AIG1: variants seen among roughly 807,000 people sequenced by gnomAD.
AIG1 encodes androgen induced 1, also known as androgen-induced gene 1 protein.
In AIG1, 23 loss-of-function variants were observed where a neutral mutation model predicts 31.4. The observed-to-expected ratio is 0.73, with a 90% confidence interval of 0.53 to 1.04. AIG1 has a LOEUF of 1.04. Among genes scored for constraint, AIG1 ranks in the 50% least tolerant of loss-of-function variants. AIG1 has a pLI of 0.00. For synonymous variants in AIG1, 100 were observed against 110.5 expected, an observed-to-expected ratio of 0.90 and a Z score of 0.60; for missense variants, 274 against 295.0, an observed-to-expected ratio of 0.93 and a Z score of 0.52.
chr6:143,140,933 C>T (rs901004482), intron 2 of AIG1, among the ~76,000 whole-genome samples: 5 of 152,206 alleles, frequency 3.3e-5, no homozygotes, highest in Non-Finnish European at 7.3e-5. Flanking sequence ...CCCCAGAGGC[C>T]TCCCCTGCTC....
chr6:143,118,489 T>C lies in AIG1; in HGVS notation c.142-18346T>C, dbSNP rs150232230. Reference sequence around the variant, plus strand: ...AAAAAAAAAATCACTAAAATGGATGTGTACATTATGTACAGCATGCTTTCA... The same window carrying C: ...AAAAAAAAAATCACTAAAATGGATGCGTACATTATGTACAGCATGCTTTCA... On this transcript the variant is annotated intron_variant, in intron 1 of 5. Coordinates refer to ENST00000357847, the MANE Select transcript of AIG1 (RefSeq NM_016108.4). 5.1e-3 allele frequency among the ~76,000 whole-genome samples: 770 copies of C among 152,064 alleles called. 7 individuals are homozygous for C. Among genetic ancestry groups the C allele is most frequent in the African/African-American group, 0.018 (726 of 41,476 alleles).
At chr6:143,088,551 A>G (rs147292222) in intron 1 of AIG1, among the ~76,000 whole-genome samples, 1 of 152,312 alleles carries the variant, frequency 6.6e-6, no homozygotes, top group Admixed American at 6.5e-5. Flanking sequence ...GTAACTGGGG[A>G]CTGGAGAGTA....
intron 4 of AIG1, among the ~76,000 whole-genome samples, chr6:143,319,813 G>C (rs1054462789): frequency 6.6e-6 from 1 of 151,798 alleles, no homozygotes; most frequent in Admixed American, 6.6e-5. Context: ...GATTTTAAGG[G>C]ATTATTATGA....
chr6:143,155,732 TC>T (rs1288267845), intron 2 of AIG1, among the ~76,000 whole-genome samples: 3 of 152,132 alleles, frequency 2.0e-5, no homozygotes, highest in Non-Finnish European at 4.4e-5. Flanking sequence ...AATGGATACT[TC>T]AAGTGTGTGA....
At chr6:143,150,382 A>G (rs1459002295) in intron 2 of AIG1, among the ~76,000 whole-genome samples, 1 of 152,208 alleles carries the variant, frequency 6.6e-6, no homozygotes, top group Non-Finnish European at 1.5e-5. Flanking sequence ...ACCTTCTGGC[A>G]AGTTCTGTTA....
intron 3 of AIG1, among the ~76,000 whole-genome samples, chr6:143,201,365 A>G (rs1790684182): frequency 6.6e-6 from 1 of 152,292 alleles, no homozygotes; most frequent in South Asian, 2.1e-4. Context: ...TCAAAAAAAA[A>G]AAAATCTTAA....
In AIG1 at chr6:143,152,988, C is replaced by T. The variant is rs142608043; in HGVS notation, c.298-12094C>T. 2.0e-3 allele frequency among the ~76,000 whole-genome samples: 301 copies of T among 152,222 alleles called. 1 individual carries two copies. The highest frequency in any genetic ancestry group is 7.0e-3 in the African/African-American group (291 of 41,518). On this transcript the variant is annotated intron_variant, in intron 2 of 5. Transcript: ENST00000357847. ...CTGTGAGAAGAGACAGAACTGCAGG[C>T]GTATGGCAAGATTGGTGTGGTTTCA...
intron 1 of AIG1, among the ~76,000 whole-genome samples, chr6:143,064,864 G>A (rs1776555137): frequency 6.6e-6 from 1 of 152,224 alleles, no homozygotes; most frequent in South Asian, 2.1e-4. Flanking sequence ...GAGCAATAAA[G>A]CTTTTAATTC....
rs112269226 is a variant in AIG1, at chr6:143,131,487, T to C, written c.142-5348T>C. ...ATGAGTCTTAAAGGCAGAGAGCTTT[T>C]TCAAGCCAATGAGAGATGAGGAAAG... On this transcript the variant is annotated intron_variant, in intron 1 of 5. Transcript: ENST00000357847. Among the ~76,000 whole-genome samples, 466 of 152,330 alleles carry C rather than the reference T, an allele frequency of 3.1e-3. 5 individuals carry two copies. The highest frequency in any genetic ancestry group is 0.011 in the African/African-American group (447 of 41,580).
chr6:143,171,094 G>C (rs1429643133), intron 3 of AIG1, among the ~76,000 whole-genome samples: 1 of 151,814 alleles, frequency 6.6e-6, no homozygotes, highest in African/African-American at 2.4e-5. Flanking sequence ...TGAACATCCA[G>C]ATACAGAAAG....
chr6:143,302,893 C>A (rs1398318424), intron 4 of AIG1, among the ~76,000 whole-genome samples: 4 of 152,070 alleles, frequency 2.6e-5, no homozygotes, highest in African/African-American at 9.7e-5. Context: ...CCTGTTGTTT[C>A]CTGACTTTTT....
chr6:143,061,416 G>C (rs1478185359), intron 1 of AIG1: 1 of 409,716 alleles, frequency 2.4e-6, no homozygotes, highest in African/African-American at 2.0e-5. Flanking sequence ...CATCGGACCT[G>C]ATCCTGAATG....
chr6:143,196,187 G>T (rs1165963504), intron 3 of AIG1, among the ~76,000 whole-genome samples: 1 of 152,106 alleles, frequency 6.6e-6, no homozygotes, highest in South Asian at 2.1e-4. Flanking sequence ...TGATCTGAAT[G>T]GTAATCTGTA....
At chr6:143,089,504 T>C (rs1211297357) in intron 1 of AIG1, among the ~76,000 whole-genome samples, 1 of 152,184 alleles carries the variant, frequency 6.6e-6, no homozygotes, top group Non-Finnish European at 1.5e-5. Flanking sequence ...TATAGGATTG[T>C]TGTGAGGATT....
intron 3 of AIG1, among the ~76,000 whole-genome samples, chr6:143,166,907 G>A (rs1787013583): frequency 6.6e-6 from 1 of 152,164 alleles, no homozygotes; most frequent in Non-Finnish European, 1.5e-5. Flanking sequence ...GGCCTATCTG[G>A]CCTCAAATGT....
Position 143,292,003 on chromosome 6 carries a change from C to G in AIG1, c.515+7778C>G, listed in dbSNP as rs1486920497. On this transcript the variant is annotated intron_variant, in intron 4 of 5. Coordinates refer to ENST00000357847, the MANE Select transcript of AIG1 (RefSeq NM_016108.4). This position sits in a 1 kb window ranked among gnomAD's most constrained non-coding sequence, Gnocchi z 4.9. ...GAGAAGAGAAGGCTATAGAAGAAAT[C>G]CTGATAAGAGATGAAGTGGCCTGGA... is the stretch of plus-strand genomic sequence containing the variant. Among the ~76,000 whole-genome samples the G allele has an allele frequency of 6.6e-6, 1 of 152,106 alleles. No homozygotes were observed. Among genetic ancestry groups the G allele is most frequent in the African/African-American group, 2.4e-5 (1 of 41,402 alleles).
At chr6:143,183,512 G>A (rs1788944085) in intron 3 of AIG1, among the ~76,000 whole-genome samples, 1 of 152,028 alleles carries the variant, frequency 6.6e-6, no homozygotes, top group African/African-American at 2.4e-5. Flanking sequence ...GCTTTTTAAG[G>A]CAATTTCATG....
At chr6:143,128,004 G>C (rs1022461823) in intron 1 of AIG1, among the ~76,000 whole-genome samples, 2 of 152,040 alleles carry the variant, frequency 1.3e-5, no homozygotes, top group African/African-American at 4.8e-5. Flanking sequence ...AAATTTAGTT[G>C]AGGATATTGA....
chr6:143,172,322 T>A (rs1787715438), intron 3 of AIG1, among the ~76,000 whole-genome samples: 1 of 152,178 alleles, frequency 6.6e-6, no homozygotes, highest in Non-Finnish European at 1.5e-5. Context: ...AATGAGATGA[T>A]CATGTAATTA....
Sources: gnomAD v4.1 joint callset for allele counts (sites outside exome capture counted in the v4.1 genomes callset) on GRCh38, gnomAD v4.1.1 for gene constraint, Gnocchi (gnomAD v3.1) non-coding constraint, MANE v1.5 for transcripts, NCBI Gene and HGNC (gene_info 2026-07-23, HGNC 2026-07-21) for gene names.